The following PTPRG variants were observed in gnomAD, a reference collection of about 807,000 sequenced individuals.
PTPRG encodes protein tyrosine phosphatase receptor type G.
In PTPRG, 102 loss-of-function variants were observed where a neutral mutation model predicts 165.3. The observed-to-expected ratio is 0.62, with a 90% CI of 0.53 to 0.73. PTPRG has a LOEUF of 0.73. Among genes scored for constraint, PTPRG ranks in the 30% least tolerant of loss-of-function variants. The probability of loss-of-function intolerance (pLI) is 0.00; values close to 1 mark genes in which losing one functional copy is unlikely to be tolerated. For missense variants in PTPRG, 1,866 were observed against 1,861.4 expected, an observed-to-expected ratio of 1.00 and a Z score of -0.05; for synonymous variants, 675 against 669.5, an observed-to-expected ratio of 1.01 and a Z score of -0.13.
intron 14 of PTPRG, among the ~76,000 whole-genome samples, chr3:62,241,073 C>T (rs1336286805): frequency 1.3e-5 from 2 of 152,130 alleles, no homozygotes; most frequent in African/African-American, 4.8e-5. Context: ...TAGTGATCAT[C>T]ACTAGGAGGA....
intron 1 of PTPRG, among the ~76,000 whole-genome samples, chr3:61,707,883 G>GT (rs1404642209): frequency 2.0e-5 from 3 of 152,166 alleles, no homozygotes; most frequent in African/African-American, 7.2e-5. Context: ...TGACCTCCCT[G>GT]TTTCAAGCAA....
intron 2 of PTPRG, among the ~76,000 whole-genome samples, chr3:61,925,690 C>G (rs985861908): frequency 5.9e-5 from 9 of 151,998 alleles, no homozygotes; most frequent in African/African-American, 2.2e-4. Context: ...TTGCAGTGAG[C>G]CAAGACTGTG....
chr3:61,934,261 G>A (rs956171479), intron 2 of PTPRG, among the ~76,000 whole-genome samples: 9 of 152,186 alleles, frequency 5.9e-5, no homozygotes, highest in Non-Finnish European at 1.3e-4. Flanking sequence ...ATATTCTGGT[G>A]TATGTCAGAA....
chr3:62,143,493 C>CT (rs1318386371), intron 6 of PTPRG, among the ~76,000 whole-genome samples: 1 of 151,786 alleles, frequency 6.6e-6, no homozygotes, highest in Admixed American at 6.6e-5. Context: ...GCCTAAGGTG[C>CT]TGAGGGTAAA....
At chr3:62,145,527 A>G (rs931287846) in intron 6 of PTPRG, among the ~76,000 whole-genome samples, 2 of 150,870 alleles carry the variant, frequency 1.3e-5, no homozygotes, top group Non-Finnish European at 2.9e-5. Flanking sequence ...CAAAAATAAA[A>G]TGAAATGATG....
At chr3:61,566,519 T>A (rs1459410757) in intron 1 of PTPRG, among the ~76,000 whole-genome samples, 1 of 152,210 alleles carries the variant, frequency 6.6e-6, no homozygotes, top group Non-Finnish European at 1.5e-5. Context: ...ACTTCTTTTC[T>A]TTTTTTGAGA....
intron 21 of PTPRG, among the ~76,000 whole-genome samples, chr3:62,272,297 T>A (rs1306720403): frequency 6.6e-6 from 1 of 152,180 alleles, no homozygotes; most frequent in Non-Finnish European, 1.5e-5. Context: ...ATTTTTAAAT[T>A]TTTAGTTTAA....
intron 2 of PTPRG, among the ~76,000 whole-genome samples, chr3:61,930,118 A>C (rs1259483506): frequency 6.6e-6 from 1 of 152,062 alleles, no homozygotes; most frequent in African/African-American, 2.4e-5. Flanking sequence ...TGCCAGTATA[A>C]GTATTTATAG....
rs79051186 is a variant in PTPRG at position 61,957,697 on chromosome 3, C to G, written c.191-31928C>G. 6.6e-5 allele frequency among the ~76,000 whole-genome samples: 10 copies of G among 152,270 alleles called. No individual in the cohort carries two copies. In the East Asian group the frequency reaches 1.9e-3, roughly 29 times the overall value. ...TGGAAGAAATCTATTCCACGTAGTC[C>G]TGGAGTGACTGGTCAAAAGGATTTC... is the stretch of plus-strand genomic sequence containing the variant. On this transcript the variant is annotated intron_variant, in intron 2 of 29. Coordinates refer to ENST00000474889, the MANE Select transcript of PTPRG (RefSeq NM_002841.4).
rs1173670139 is a variant in PTPRG, at chr3:62,294,950, G to C, written c.*1643G>C. The C allele has an allele frequency of 6.6e-6, 1 of 152,076 alleles. No homozygotes were observed. The highest frequency in any genetic ancestry group is 1.5e-5 in the Non-Finnish European group (1 of 68,016). 9.4% of individuals were successfully genotyped at this position (152,076 alleles called of 1,614,324 possible). A position where few individuals can be genotyped will look rare whatever the true frequency, so the allele number is the denominator to read the frequency against. ...CATAAAGTTTGTCAGAATGGTGCTG[G>C]AGGACCAGAAGTGCTAAGGAGAAAG... On this transcript the variant is annotated 3_prime_UTR_variant, in exon 30 of 30. Transcript: ENST00000474889.
At chr3:62,150,864 T>C (rs1194274424) in intron 6 of PTPRG, among the ~76,000 whole-genome samples, 1 of 152,200 alleles carries the variant, frequency 6.6e-6, no homozygotes, top group Middle Eastern at 3.2e-3. Flanking sequence ...ACATTGTTTA[T>C]TGGGGTGTGG....
At chr3:61,899,402 G>A (rs2038441610) in intron 2 of PTPRG, among the ~76,000 whole-genome samples, 1 of 152,128 alleles carries the variant, frequency 6.6e-6, no homozygotes, top group Non-Finnish European at 1.5e-5. Context: ...ATATTTTCAG[G>A]AAAAAATCCA....
chr3:62,250,199 GA>G (rs1559706226), intron 15 of PTPRG, among the ~76,000 whole-genome samples: 1 of 152,218 alleles, frequency 6.6e-6, no homozygotes, highest in Non-Finnish European at 1.5e-5. Context: ...AACACTCTAT[GA>G]ATTAAGTACT....
intron 1 of PTPRG, among the ~76,000 whole-genome samples, chr3:61,610,484 A>C (rs1701133679): frequency 6.6e-6 from 1 of 152,204 alleles, no homozygotes; most frequent in African/African-American, 2.4e-5. Context: ...CATGGGGCAA[A>C]GATGCTGGGC....
rs1368767384 is a variant in PTPRG at position 62,255,614 on chromosome 3, C to G, written c.2559+399C>G. Among the ~76,000 whole-genome samples, 1 of 152,150 alleles carries G rather than the reference C, an allele frequency of 6.6e-6. No individual in the cohort carries two copies. The highest frequency in any genetic ancestry group is 2.4e-5 in the African/African-American group (1 of 41,436). Reference sequence around the variant, plus strand: ...GGTTTGGTGTCTGAGAAACTGGGTGCTGGCTTCATCAGTAGTGAGCTTCAT... The same window carrying G: ...GGTTTGGTGTCTGAGAAACTGGGTGGTGGCTTCATCAGTAGTGAGCTTCAT... On this transcript the variant is annotated intron_variant, in intron 16 of 29. Transcript: ENST00000474889. This position sits in a 1 kb window ranked among gnomAD's most constrained non-coding sequence, Gnocchi z 4.0.
At chr3:61,998,055 C>A (rs756867026) in intron 3 of PTPRG, among the ~76,000 whole-genome samples, 1 of 152,202 alleles carries the variant, frequency 6.6e-6, no homozygotes, top group African/African-American at 2.4e-5. Flanking sequence ...CTTTTTAGCA[C>A]ATGCTGCTGT....
rs1320526671 is a variant in PTPRG at position 61,680,516 on chromosome 3, AAAC to A, written c.86-68360_86-68358del. 5.4e-3 allele frequency among the ~76,000 whole-genome samples: 785 copies of A among 146,544 alleles called. 21 individuals carry two copies. The highest frequency in any genetic ancestry group is 0.018 in the African/African-American group (707 of 40,226). ...TCAGCTTTATGAAAAAAAAAAAAAAAAACACAAAAAAACAGCATGGGAGCCTGG... is the reference window on the plus strand; with the variant it reads ...TCAGCTTTATGAAAAAAAAAAAAAAAACAAAAAAACAGCATGGGAGCCTGG... On this transcript the variant is annotated intron_variant, in intron 1 of 29. Coordinates refer to ENST00000474889, the MANE Select transcript of PTPRG (RefSeq NM_002841.4).
rs1204971699 is a variant in PTPRG, at chr3:62,155,033, T to A, written c.683-2034T>A. 4.6e-5 allele frequency among the ~76,000 whole-genome samples: 7 copies of A among 152,226 alleles called. No homozygotes were observed. The East Asian group carries it at 1.3e-3, about 29-fold the overall frequency. ...AGCATGCTTGCAGAGATTTCCCCTG[T>A]CATTAGGCTGCTGGTAACCAGGTTT... On this transcript the variant is annotated intron_variant, in intron 6 of 29. Coordinates refer to ENST00000474889, the MANE Select transcript of PTPRG (RefSeq NM_002841.4).
At chr3:61,837,565 G>A (rs1426966181) in intron 2 of PTPRG, among the ~76,000 whole-genome samples, 1 of 152,202 alleles carries the variant, frequency 6.6e-6, no homozygotes, top group Non-Finnish European at 1.5e-5. Context: ...GACAAGAGCG[G>A]ATCAGCAGCA....
Sources: gnomAD v4.1 joint callset for allele counts (sites outside exome capture counted in the v4.1 genomes callset) on GRCh38, gnomAD v4.1.1 for gene constraint, Gnocchi (gnomAD v3.1) non-coding constraint, MANE v1.5 for transcripts, NCBI Gene and HGNC (gene_info 2026-07-23, HGNC 2026-07-21) for gene names.